The following GUF1 variants were observed in gnomAD, a reference collection of about 807,000 sequenced individuals.
GUF1 encodes translation factor GUF1, mitochondrial.
GUF1 carries 78 observed loss-of-function variants against 82.4 expected under a neutral mutation model. That is an observed-to-expected ratio of 0.95 (90% CI 0.79 to 1.14). The LOEUF (loss-of-function observed/expected upper bound fraction) is 1.14, where lower values mean the gene tolerates loss of function less well. GUF1 is among the 50% of genes most tolerant of loss of function. The pLI is 0.00. For synonymous variants in GUF1, 279 were observed against 282.3 expected (o/e 0.99, Z 0.12); for missense variants, 814 against 798.2 (o/e 1.02, Z -0.24).
In GUF1 at chr4:44,697,389, G is replaced by A. The variant is rs564600520; in HGVS notation, c.1836-19G>A. 9 of 1,527,148 alleles carry A rather than the reference G, an allele frequency of 5.9e-6. No homozygotes were observed. Among genetic ancestry groups the A allele is most frequent in the Admixed American group, 3.8e-5 (2 of 53,228 alleles). The allele number at this position is 1,527,148 out of a possible 1,614,324, so 94.6% of individuals were successfully genotyped here. A position where few individuals can be genotyped will look rare whatever the true frequency, so the allele number is the denominator to read the frequency against. On this transcript the variant is annotated intron_variant, in intron 15 of 16. Transcript: ENST00000281543. ...GTATAATGGAATTATGTACTTAAACGAATTTTTCTCTTTTACAGTGTGAAA... is the reference window on the plus strand; with the variant it reads ...GTATAATGGAATTATGTACTTAAACAAATTTTTCTCTTTTACAGTGTGAAA...
chr4:44,695,547 C>T, intron 14 of GUF1, 68 bp from the exon 15 acceptor site: 1 of 1,383,022 alleles, frequency 7.2e-7, no homozygotes. Flanking sequence ...GATTATGCAA[C>T]TGGCCTAGAA....
At chr4:44,697,005 G>A (rs946302052) in intron 15 of GUF1, among the ~76,000 whole-genome samples, 2 of 152,124 alleles carry the variant, frequency 1.3e-5, no homozygotes, top group African/African-American at 4.8e-5. Context: ...ATTCAGTAGA[G>A]GCAGTAATAA....
At chr4:44,692,043 A>T (rs1715481074) in intron 13 of GUF1, among the ~76,000 whole-genome samples, 1 of 151,656 alleles carries the variant, frequency 6.6e-6, no homozygotes, top group Admixed American at 6.6e-5. Flanking sequence ...TTAACAAAAA[A>T]AGTTAGTCCC....
chr4:44,698,260 T>A (rs1380771425), intron 16 of GUF1, among the ~76,000 whole-genome samples: 1 of 152,148 alleles, frequency 6.6e-6, no homozygotes, highest in Non-Finnish European at 1.5e-5. Flanking sequence ...GGCTTTCTAG[T>A]CAAAATTCCA....
At chr4:44,679,907 A>G (rs1458520804) in intron 1 of GUF1, among the ~76,000 whole-genome samples, 1 of 152,188 alleles carries the variant, frequency 6.6e-6, no homozygotes, top group Non-Finnish European at 1.5e-5. Flanking sequence ...GTTTTAAGTG[A>G]TAAGTCTTTT....
chr4:44,681,126 C>T lies in GUF1; in HGVS notation c.430C>T (p.His144Tyr). 6.2e-7 allele frequency: 1 copy of T among 1,612,384 alleles called. No individual in the cohort carries two copies. The highest frequency in any genetic ancestry group is 2.2e-5 in the East Asian group (1 of 44,774). Residue 144 changes from histidine to tyrosine, a missense_variant, in exon 4 of 17, where the codon CAT (histidine) becomes TAT (tyrosine). Coordinates refer to ENST00000281543, the MANE Select transcript of GUF1 (RefSeq NM_021927.3). Reference protein sequence around the residue: ...YLLNLIDTPGHVDFSYEVSRS... With the variant: ...YLLNLIDTPGYVDFSYEVSRS... ...TATCAATATTTTTGTTTCTCAGGGC[C>T]ATGTTGATTTTAGTTATGAAGTATC...
chr4:44,694,336 T>C (rs1715640795), intron 13 of GUF1, 76 bp from the exon 14 acceptor site: 1 of 847,742 alleles, frequency 1.2e-6, no homozygotes, highest in Non-Finnish European at 2.0e-6. Context: ...AGTAGACATT[T>C]AGTAAAGAGT....
chr4:44,692,511 T>C (rs1715514074), intron 13 of GUF1, among the ~76,000 whole-genome samples: 1 of 151,792 alleles, frequency 6.6e-6, no homozygotes, highest in Admixed American at 6.6e-5. Context: ...ATGTGAAACA[T>C]GGGGAAGCAG....
intron 8 of GUF1, 82 bp downstream of exon 8, chr4:44,686,795 A>G: frequency 1.1e-6 from 1 of 902,900 alleles, no homozygotes; most frequent in Non-Finnish European, 1.8e-6. Flanking sequence ...GTATGCTTAG[A>G]ATGATCCTCA....
At chr4:44,690,950 C>A in intron 12 of GUF1, 90 bp downstream of exon 12, 3 of 841,998 alleles carry the variant, frequency 3.6e-6, no homozygotes, top group Non-Finnish European at 5.4e-6. Flanking sequence ...TTTCTTTCTG[C>A]TGAGCATACT....
intron 15 of GUF1, 105 bp from the exon 16 acceptor site, chr4:44,697,303 C>T: frequency 1.8e-6 from 1 of 558,330 alleles, no homozygotes; most frequent in South Asian, 3.7e-5. Context: ...GGTAATGATA[C>T]TATCATTAAA....
chr4:44,686,106 AGCTTGAACTGTTATT>A (rs1715032382), intron 7 of GUF1, 83 bp downstream of exon 7: 1 of 902,058 alleles, frequency 1.1e-6, no homozygotes, highest in Non-Finnish European at 1.8e-6. Context: ...AAAGACTGTC[AGCTTGAACTGTTATT>A]TTAGCTTAAT....
Position 44,690,744 on chromosome 4 carries a change from A to G in GUF1, c.1363A>G (p.Ile455Val). The G allele has an allele frequency of 3.2e-6, 5 of 1,580,716 alleles. No homozygotes were observed. Among genetic ancestry groups the G allele is most frequent in the Non-Finnish European group, 4.3e-6 (5 of 1,155,112 alleles). Residue 455 changes from isoleucine (I) to valine (V), a missense_variant, in exon 12 of 17, where the codon ATC (isoleucine) becomes GTC (valine). Physicochemically the swap from Ile to Val is conservative, Grantham distance 29. Transcript: ENST00000281543. ...ACATAGAGAAAAAGAAATTACAATTATCAATCCTGCACAATTCCCCGATAA... is the reference window on the plus strand; with the variant it reads ...ACATAGAGAAAAAGAAATTACAATTGTCAATCCTGCACAATTCCCCGATAA... ...KEHREKEITIINPAQFPDKSK... is the reference protein window; with the variant it reads ...KEHREKEITIVNPAQFPDKSK...
chr4:44,692,472 T>C (rs759044746), intron 13 of GUF1, among the ~76,000 whole-genome samples: 3 of 151,978 alleles, frequency 2.0e-5, no homozygotes, highest in Admixed American at 6.6e-5. Flanking sequence ...TAAAATCTTA[T>C]GTTACGGGAT....
At chr4:44,689,757 T>G in intron 10 of GUF1, 86 bp from the exon 11 acceptor site, 1 of 1,152,826 alleles carries the variant, frequency 8.7e-7, no homozygotes, top group Non-Finnish European at 1.2e-6. Flanking sequence ...CATCCCTCCC[T>G]TAAAGTAACA....
In GUF1 at chr4:44,686,595, G is replaced by C. The variant is rs748247343; in HGVS notation, c.820G>C (p.Ala274Pro). 2.5e-6 allele frequency: 4 copies of C among 1,612,256 alleles called. No individual in the cohort carries two copies. In the South Asian group the frequency reaches 4.4e-5, roughly 18 times the overall value. The stretch of plus-strand genomic sequence containing the variant: ...GTATAGAGGTGTGATAGCCAATGTA[G>C]CATTATTTGACGGAGTGGTTTCCAA... The part of the protein sequence containing the change: ...DQYRGVIANV[A>P]LFDGVVSKGD... Residue 274 changes from alanine (A) to proline (P), a missense_variant, in exon 8 of 17, where the codon GCA (alanine) becomes CCA (proline). Transcript: ENST00000281543.
chr4:44,699,328 G>A lies in GUF1; in HGVS notation c.*647G>A, dbSNP rs7676079. On this transcript the variant is annotated 3_prime_UTR_variant, in exon 17 of 17. Transcript: ENST00000281543. Reference sequence around the variant, plus strand: ...TCCTGCCTCAGCCTCCATTACAGGCGTGCACCACCATGCTCGGCTAATTTT... The same window carrying A: ...TCCTGCCTCAGCCTCCATTACAGGCATGCACCACCATGCTCGGCTAATTTT... The A allele has an allele frequency of 7.9e-3, 1,205 of 152,386 alleles. 11 individuals carry two copies. Among genetic ancestry groups the A allele is most frequent in the African/African-American group, 0.028 (1,150 of 41,504 alleles). 9.4% of individuals were successfully genotyped at this position (152,386 alleles called of 1,614,324 possible).
chr4:44,692,340 G>A (rs1363344096), intron 13 of GUF1, among the ~76,000 whole-genome samples: 4 of 151,948 alleles, frequency 2.6e-5, no homozygotes, highest in Admixed American at 1.3e-4. Flanking sequence ...CCAGATAAAA[G>A]TGAAAGGAGA....
At chr4:44,695,485 A>G (rs1715748977) in intron 14 of GUF1, 130 bp from the exon 15 acceptor site, 2 of 541,460 alleles carry the variant, frequency 3.7e-6, no homozygotes, top group South Asian at 7.8e-5. Context: ...AGAGTAAGAG[A>G]GATTTATAAG....
Sources: allele counts gnomAD v4.1 joint callset (sites outside exome capture counted in the v4.1 genomes callset), GRCh38; gene constraint gnomAD v4.1.1; transcripts MANE v1.5; gene names NCBI Gene and HGNC (gene_info 2026-07-23, HGNC 2026-07-21).